The following DOCK2 variants were observed in gnomAD, a reference collection of about 807,000 sequenced individuals.
DOCK2 encodes dedicator of cytokinesis protein 2.
DOCK2 carries 87 observed loss-of-function variants against 248.9 expected under a neutral mutation model. The ratio of observed to expected loss-of-function variants is 0.35; its 90% CI spans 0.29 to 0.42. The LOEUF (loss-of-function observed/expected upper bound fraction) is 0.42. Ranked by LOEUF, DOCK2 falls within the 10% of genes least tolerant of loss-of-function variation. DOCK2 has a pLI of 1.00. For synonymous variants in DOCK2, 805 were observed against 821.6 expected (o/e 0.98, Z 0.35); for missense variants, 1,747 against 2,300.2 (o/e 0.76, Z 4.92).
intron 15 of DOCK2, among the ~76,000 whole-genome samples, chr5:169,709,863 C>T (rs1330610362): frequency 1.3e-5 from 2 of 152,222 alleles, no homozygotes; most frequent in African/African-American, 4.8e-5. Flanking sequence ...GCTCTGCAGA[C>T]CTGCAAAAGG....
In DOCK2 at chr5:169,849,144, C is replaced by T. The variant is rs1313935322; in HGVS notation, c.2799+8292C>T. On this transcript the variant is annotated intron_variant, in intron 27 of 51. Coordinates refer to ENST00000520908, the MANE Select transcript of DOCK2 (RefSeq NM_004946.3). ...TTGGCTCTTGGCCTTCACTCAGCAC[C>T]CCTGTACCTTGTTGAAAAGTAATAT... is the stretch of plus-strand genomic sequence containing the variant. 2.6e-5 allele frequency among the ~76,000 whole-genome samples: 4 copies of T among 152,246 alleles called. No individual in the cohort carries two copies. The East Asian group carries it at 7.7e-4, about 29-fold the overall frequency.
intron 27 of DOCK2, among the ~76,000 whole-genome samples, chr5:169,863,058 T>C (rs1330062201): frequency 6.6e-6 from 1 of 152,216 alleles, no homozygotes; most frequent in African/African-American, 2.4e-5. Context: ...ATATAGCAAT[T>C]ACTTAATTAT....
At chr5:169,900,616 A>T (rs261056) in intron 27 of DOCK2, among the ~76,000 whole-genome samples, 118,061 of 152,094 alleles carry the variant, frequency 0.78, 46,140 homozygotes, top group Admixed American at 0.81. Flanking sequence ...AAGAGTATTG[A>T]CTCCTTCATG....
intron 27 of DOCK2, among the ~76,000 whole-genome samples, chr5:169,905,727 C>G (rs1774238509): frequency 6.6e-6 from 1 of 152,192 alleles, no homozygotes; most frequent in Admixed American, 6.5e-5. Flanking sequence ...ATGGCAGCGT[C>G]TGCACCCAGG....
chr5:169,853,847 T>C (rs1770748200), intron 27 of DOCK2, among the ~76,000 whole-genome samples: 1 of 90,312 alleles, frequency 1.1e-5, no homozygotes. Flanking sequence ...TTTTTTTTTT[T>C]TTGTGGTAGA....
At chr5:169,647,285 T>G (rs537922339) in intron 1 of DOCK2, among the ~76,000 whole-genome samples, 1 of 152,004 alleles carries the variant, frequency 6.6e-6, no homozygotes, top group East Asian at 1.9e-4. Flanking sequence ...GGTGGATGGA[T>G]AGTTGTTGAT....
chr5:169,894,366 C>T (rs1471100480), intron 27 of DOCK2, among the ~76,000 whole-genome samples: 1 of 152,124 alleles, frequency 6.6e-6, no homozygotes, highest in African/African-American at 2.4e-5. Context: ...AGGATTGGCC[C>T]ACAGCATGAC....
In DOCK2 at chr5:169,717,424, A is replaced by G. The variant is rs761316602; in HGVS notation, c.2072A>G (p.His691Arg). The change falls in exon 21 of 52, where the codon CAT becomes CGT. Residue 691 changes from histidine (H) to arginine (R), a missense_variant. By Grantham distance (29) the His-to-Arg change is conservative. Coordinates refer to ENST00000520908, the MANE Select transcript of DOCK2 (RefSeq NM_004946.3). ...CTCATTGCAGACCGGAAATTTCAGC[A>G]TTTCAACACCGTTCTGGAGGCTTAC... ...IGLIADRKFQ[H>R]FNTVLEAYIQ... 2.0e-5 allele frequency: 33 copies of G among 1,613,826 alleles called. No homozygotes were observed. The highest frequency in any genetic ancestry group is 2.7e-5 in the Non-Finnish European group (32 of 1,179,844).
chr5:169,731,937 T>C (rs1034912662), intron 22 of DOCK2, among the ~76,000 whole-genome samples: 51 of 152,014 alleles, frequency 3.4e-4, no homozygotes, highest in Admixed American at 2.2e-3. Flanking sequence ...CTGGGCAACA[T>C]GGTGAAACCC....
chr5:169,900,143 C>T (rs908624188), intron 27 of DOCK2, among the ~76,000 whole-genome samples: 3 of 152,188 alleles, frequency 2.0e-5, no homozygotes, highest in South Asian at 2.1e-4. Context: ...CCTCCAAGCT[C>T]TCAGATCTAA....
intron 28 of DOCK2, among the ~76,000 whole-genome samples, chr5:169,983,754 C>T (rs1777998216): frequency 6.6e-6 from 1 of 152,192 alleles, no homozygotes; most frequent in African/African-American, 2.4e-5. Flanking sequence ...CTTGTTGCTA[C>T]CAGGTTCAGG....
At chr5:169,830,273 G>C (rs1769135189) in intron 26 of DOCK2, among the ~76,000 whole-genome samples, 1 of 152,160 alleles carries the variant, frequency 6.6e-6, no homozygotes, top group Non-Finnish European at 1.5e-5. Flanking sequence ...CTCATGTAAA[G>C]CACTTATCAT....
chr5:169,915,557 A>AACAC (rs56728646), intron 27 of DOCK2, among the ~76,000 whole-genome samples: 5,087 of 143,436 alleles, frequency 0.035, 86 homozygotes, highest in Middle Eastern at 0.07. Context: ...ATTGACAGGG[A>AACAC]ACACACACAC....
At chr5:169,754,595 C>T (rs142276773) in intron 23 of DOCK2, among the ~76,000 whole-genome samples, 46 of 152,310 alleles carry the variant, frequency 3.0e-4, no homozygotes, top group Admixed American at 2.5e-3. Context: ...TCTTTTTCCA[C>T]TTCCTCCTCC....
At chr5:169,901,540 G>A (rs1197191959) in intron 27 of DOCK2, among the ~76,000 whole-genome samples, 2 of 152,178 alleles carry the variant, frequency 1.3e-5, no homozygotes, top group African/African-American at 2.4e-5. Flanking sequence ...TGGGGCAAAA[G>A]TGGAAGCAGG....
At chr5:169,699,191 C>G (rs552548899) in intron 11 of DOCK2, among the ~76,000 whole-genome samples, 191 bp from the exon 12 acceptor site, 4 of 152,156 alleles carry the variant, frequency 2.6e-5, no homozygotes, top group Non-Finnish European at 5.9e-5. Context: ...TTGATATTCC[C>G]AAATTTCAGA....
At position 169,876,480 on chromosome 5, in the gene DOCK2, C is replaced by T. The variant is rs1423642283; in HGVS notation, c.2799+35628C>T. 3.9e-5 allele frequency among the ~76,000 whole-genome samples: 6 copies of T among 152,184 alleles called. No homozygotes were observed. The East Asian group carries it at 1.2e-3, about 29-fold the overall frequency. The stretch of plus-strand genomic sequence containing the variant: ...CACCTGGAGGGAGTTTTGTGGTTCC[C>T]CACAGTCAAACTTTGCCTTTCCCAC... On this transcript the variant is annotated intron_variant, in intron 27 of 51. Transcript: ENST00000520908.
chr5:169,681,889 A>G lies in DOCK2; in HGVS notation c.606+10A>G. ...TATCAAAGAAGAAATGGTGAGCTTT[A>G]CTAAATAGGCTTTGGCCAAGTGATA... On this transcript the variant is annotated intron_variant, in intron 7 of 51. Transcript: ENST00000520908. 6.2e-7 allele frequency: 1 copy of G among 1,613,006 alleles called. No homozygotes were observed. Among genetic ancestry groups the G allele is most frequent in the African/African-American group, 1.3e-5 (1 of 75,020 alleles).
chr5:169,815,220 A>T (rs1363406456), intron 26 of DOCK2, among the ~76,000 whole-genome samples: 8 of 152,050 alleles, frequency 5.3e-5, no homozygotes, highest in Non-Finnish European at 1.0e-4. Context: ...TTGCTTAGGG[A>T]TGGTCTTTGG....
Sources: gnomAD v4.1 joint callset for allele counts (sites outside exome capture counted in the v4.1 genomes callset) on GRCh38, gnomAD v4.1.1 for gene constraint, MANE v1.5 for transcripts, NCBI Gene and HGNC (gene_info 2026-07-23, HGNC 2026-07-21) for gene names.